Variants in PRDM10 observed in about 807,000 individuals in gnomAD.
PRDM10 encodes the protein PR domain zinc finger protein 10.
PRDM10 carries 65 observed loss-of-function variants against 133.1 expected under a neutral mutation model. The ratio of observed to expected loss-of-function variants is 0.49; its 90% CI spans 0.40 to 0.60. The LOEUF is 0.60. PRDM10 is among the 20% of genes least tolerant of loss of function. The probability of loss-of-function intolerance (pLI) is 0.00; values close to 1 mark genes in which losing one functional copy is unlikely to be tolerated. For missense variants in PRDM10, 1,137 were observed against 1,507.1 expected, an observed-to-expected ratio of 0.75 and a Z score of 4.07; for synonymous variants, 582 against 580.4, an observed-to-expected ratio of 1.00 and a Z score of -0.04.
At chr11:129,958,487 TA>T (rs1386725338) in intron 2 of PRDM10, among the ~76,000 whole-genome samples, 5 of 151,746 alleles carry the variant, frequency 3.3e-5, no homozygotes, top group African/African-American at 1.2e-4. Context: ...ACTAAAAAAA[TA>T]CAAAAATTAG....
rs902440035 is a variant in PRDM10 at position 129,974,760 on chromosome 11, C to T, written c.-118-13678G>A. On this transcript the variant is annotated intron_variant, in intron 1 of 20. Coordinates refer to ENST00000360871, the MANE Select transcript of PRDM10 (RefSeq NM_199437.2). ...ATAAAGTACCCGATATGCTGCTCTT[C>T]AAAATGCCAACGGTGCCCATCCATT... is the stretch of plus-strand genomic sequence containing the variant. Among the ~76,000 whole-genome samples, 4 of 152,314 alleles carry T rather than the reference C, an allele frequency of 2.6e-5. No homozygotes were observed. The South Asian group carries it at 8.3e-4, about 32-fold the overall frequency.
chr11:129,988,657 T>G (rs1176214826), intron 1 of PRDM10, among the ~76,000 whole-genome samples: 1 of 151,298 alleles, frequency 6.6e-6, no homozygotes, highest in Non-Finnish European at 1.5e-5. Flanking sequence ...TGAGACGGAA[T>G]CTCGCTCTGT....
chr11:130,002,566 C>T (rs1939487785), intron 1 of PRDM10, among the ~76,000 whole-genome samples, 156 bp downstream of exon 1: 1 of 152,080 alleles, frequency 6.6e-6, no homozygotes, highest in East Asian at 1.9e-4. Context: ...CCCCCCCACC[C>T]GGGTCCGCGG....
rs1591719643 is a variant in PRDM10, at chr11:130,002,782, T to G, written c.-179A>C. 4.8e-6 allele frequency: 1 copy of G among 209,930 alleles called. No homozygotes were observed. The highest frequency in any genetic ancestry group is 9.9e-6 in the Non-Finnish European group (1 of 101,386). 13.0% of individuals were successfully genotyped at this position (209,930 alleles called of 1,614,324 possible). On this transcript the variant is annotated 5_prime_UTR_variant, in exon 1 of 21. Coordinates refer to ENST00000360871, the MANE Select transcript of PRDM10 (RefSeq NM_199437.2). ...GTCCCCGATCCTCTCTCCCTAGGGG[T>G]GATAGAAATCAACCCCCCCCGCCAC...
intron 10 of PRDM10, among the ~76,000 whole-genome samples, chr11:129,931,835 T>G (rs956904174): frequency 6.6e-6 from 1 of 152,184 alleles, no homozygotes. Flanking sequence ...CCCAAAGCGC[T>G]GGGATTACAG....
intron 8 of PRDM10, among the ~76,000 whole-genome samples, chr11:129,935,899 G>A (rs935960337): frequency 1.2e-4 from 18 of 152,112 alleles, no homozygotes; most frequent in African/African-American, 2.9e-4. Flanking sequence ...TGTTATTCAC[G>A]GTGTCCCACC....
At chr11:129,990,223 G>A (rs1938652806) in intron 1 of PRDM10, among the ~76,000 whole-genome samples, 1 of 152,080 alleles carries the variant, frequency 6.6e-6, no homozygotes, top group Non-Finnish European at 1.5e-5. Context: ...GCGGGTGCCT[G>A]TAGTCCCAGC....
At chr11:129,944,679 A>AAGAAAC in intron 6 of PRDM10, 92 bp downstream of exon 6, 6 of 1,504,506 alleles carry the variant, frequency 4.0e-6, no homozygotes, top group Non-Finnish European at 5.4e-6. Context: ...AACAACTGCT[A>AAGAAAC]AGAAACAGGA....
Position 129,956,294 on chromosome 11 carries a change from G to A in PRDM10, c.235-723C>T, listed in dbSNP as rs150534558. On this transcript the variant is annotated intron_variant, in intron 3 of 20. Transcript: ENST00000360871. ...AAAGTTTTTAAAAATCTGGCTGGGC[G>A]CGGTGACTCACGCCTGTAATCCCAG... Among the ~76,000 whole-genome samples, 51 of 152,278 alleles carry A rather than the reference G, an allele frequency of 3.3e-4. No homozygotes were observed. The East Asian group carries it at 5.6e-3, about 17-fold the overall frequency.
At chr11:129,992,238 G>A (rs575724345) in intron 1 of PRDM10, among the ~76,000 whole-genome samples, 26 of 152,244 alleles carry the variant, frequency 1.7e-4, no homozygotes, top group African/African-American at 3.6e-4. Context: ...CACCTGATTC[G>A]AAATGCATTC....
At position 129,947,211 on chromosome 11, in the gene PRDM10, C is replaced by A; in HGVS notation, c.454G>T (p.Gly152Cys). The A allele has an allele frequency of 6.2e-7, 1 of 1,614,150 alleles. No individual in the cohort carries two copies. The highest frequency in any genetic ancestry group is 8.5e-7 in the Non-Finnish European group (1 of 1,180,022). ...CAGTCATCCAGATCCGTGTCCTCAC[C>A]GTCTTCTTCCTCATCTTCCTCAGTG... ...EDTEEDEEEDGEDTDLDDWEP... is the reference protein window; with the variant it reads ...EDTEEDEEEDCEDTDLDDWEP... The change falls in exon 5 of 21, where the codon GGT becomes TGT. Residue 152 changes from glycine (G) to cysteine (C), a missense_variant. This residue lies in a region of PRDM10 where 635 missense variants were observed against 835.2 expected (regional missense o/e 0.76). Transcript: ENST00000360871. This position sits in a 1 kb window ranked among gnomAD's most constrained non-coding sequence, Gnocchi z 4.6.
At chr11:129,952,284 G>A (rs1467053322) in intron 4 of PRDM10, among the ~76,000 whole-genome samples, 1 of 152,004 alleles carries the variant, frequency 6.6e-6, no homozygotes, top group Non-Finnish European at 1.5e-5. Flanking sequence ...TTTGCCTATC[G>A]GATTGGCAAA....
intron 9 of PRDM10, among the ~76,000 whole-genome samples, chr11:129,932,593 C>A (rs1270323678): frequency 1.3e-5 from 2 of 152,168 alleles, no homozygotes; most frequent in South Asian, 2.1e-4. Flanking sequence ...CCCATTATTT[C>A]TCTCTTTTTC....
intron 18 of PRDM10, among the ~76,000 whole-genome samples, 179 bp from the exon 19 acceptor site, chr11:129,910,835 G>A (rs536068172): frequency 3.9e-5 from 6 of 152,112 alleles, no homozygotes; most frequent in Non-Finnish European, 8.8e-5. Context: ...GGAGTGCAAC[G>A]GCATGATCTC....
chr11:129,942,333 TAAACA>T, intron 7 of PRDM10, 88 bp downstream of exon 7: 1 of 1,378,176 alleles, frequency 7.3e-7, no homozygotes, highest in Admixed American at 2.3e-5. Flanking sequence ...CCTTTTTTGT[TAAACA>T]AACCCACTTT....
At chr11:129,997,152 T>C (rs1044275240) in intron 1 of PRDM10, among the ~76,000 whole-genome samples, 2 of 152,102 alleles carry the variant, frequency 1.3e-5, no homozygotes, top group African/African-American at 4.8e-5. Flanking sequence ...GGATTTTACG[T>C]GTAGGTTATG....
chr11:129,991,712 G>A (rs1016834117), intron 1 of PRDM10, among the ~76,000 whole-genome samples: 2 of 152,044 alleles, frequency 1.3e-5, no homozygotes, highest in Non-Finnish European at 2.9e-5. Context: ...CCAGCTACTC[G>A]GGAGGCTGAG....
At chr11:129,975,390 A>G (rs1319914343) in intron 1 of PRDM10, among the ~76,000 whole-genome samples, 2 of 151,592 alleles carry the variant, frequency 1.3e-5, no homozygotes, top group Admixed American at 1.3e-4. Context: ...ATGCCATTGC[A>G]CTCCAGCCTG....
intron 1 of PRDM10, among the ~76,000 whole-genome samples, chr11:129,978,682 C>G (rs1409002608): frequency 3.3e-5 from 5 of 152,228 alleles, no homozygotes; most frequent in African/African-American, 9.6e-5. Context: ...AATCTTCACA[C>G]CAGGCAGTAA....
Sources: allele counts gnomAD v4.1 joint callset (sites outside exome capture counted in the v4.1 genomes callset), GRCh38; gene constraint gnomAD v4.1.1; regional missense constraint gnomAD v4.1.1; non-coding constraint Gnocchi (gnomAD v3.1); transcripts MANE v1.5; gene names NCBI Gene and HGNC (gene_info 2026-07-23, HGNC 2026-07-21).